The following PAPPA2 variants were observed in gnomAD, a reference collection of about 807,000 sequenced individuals.
PAPPA2 encodes pappalysin 2.
Under a neutral mutation model 176.4 loss-of-function variants are expected in PAPPA2, and 86 were observed. The observed-to-expected ratio is 0.49, with a 90% CI of 0.41 to 0.58. The LOEUF is 0.58. Among genes scored for constraint, PAPPA2 ranks in the 20% least tolerant of loss-of-function variants. PAPPA2 has a pLI of 0.00. For missense variants in PAPPA2, 2,073 were observed against 2,256.9 expected, an observed-to-expected ratio of 0.92 and a Z score of 1.65; for synonymous variants, 809 against 852.2, an observed-to-expected ratio of 0.95 and a Z score of 0.88.
In PAPPA2 at chr1:176,556,864, A is replaced by G. The variant is rs370777023; in HGVS notation, c.542A>G (p.Asn181Ser). 2.5e-6 allele frequency: 4 copies of G among 1,614,106 alleles called. No homozygotes were observed. Among genetic ancestry groups the G allele is most frequent in the Middle Eastern group, 3.3e-4 (2 of 6,062 alleles). Residue 181 changes from asparagine (N) to serine (S), a missense_variant, in exon 2 of 23, where the codon AAC becomes AGC. Physicochemically the swap from Asn to Ser is conservative, Grantham distance 46. Coordinates refer to ENST00000367662, the MANE Select transcript of PAPPA2 (RefSeq NM_020318.3). ...TTTTAIFTTL[N>S]EPKPETQRRG... ...ACCACCGCCATTTTCACAACCCTGA[A>G]CGAACCCAAACCAGAGACCCAAAGG...
At chr1:176,523,911 C>CT (rs1296613666) in intron 1 of PAPPA2, among the ~76,000 whole-genome samples, 2 of 152,206 alleles carry the variant, frequency 1.3e-5, no homozygotes, top group African/African-American at 4.8e-5. Context: ...TCCAGATTCT[C>CT]TGAAGTTGTG....
intron 1 of PAPPA2, among the ~76,000 whole-genome samples, chr1:176,515,857 C>T (rs1648881085): frequency 6.6e-6 from 1 of 152,108 alleles, no homozygotes; most frequent in South Asian, 2.1e-4. Flanking sequence ...GAAGACATTT[C>T]CCTCTTGCTG....
chr1:176,482,072 A>G (rs1652430625), intron 1 of PAPPA2, among the ~76,000 whole-genome samples: 1 of 152,216 alleles, frequency 6.6e-6, no homozygotes, highest in African/African-American at 2.4e-5. Context: ...ACCAAAACAA[A>G]GAGTTTTTCT....
At position 176,841,887 on chromosome 1, in the gene PAPPA2, C is replaced by T. The variant is rs148134569; in HGVS notation, c.5302-493C>T. ...CAGAGTGCTAGTCTGTAGCTAGTCT[C>T]GGCTTCCCATATAGTAGTCTCATTA... On this transcript the variant is annotated intron_variant, in intron 22 of 22. Coordinates refer to ENST00000367662, the MANE Select transcript of PAPPA2 (RefSeq NM_020318.3). Among the ~76,000 whole-genome samples the T allele has an allele frequency of 2.5e-3, 376 of 152,224 alleles. 2 individuals carry two copies. The highest frequency in any genetic ancestry group is 8.3e-3 in the African/African-American group (343 of 41,552).
intron 14 of PAPPA2, among the ~76,000 whole-genome samples, chr1:176,742,643 T>C (rs1012762503): frequency 7.9e-5 from 12 of 152,210 alleles, no homozygotes; most frequent in African/African-American, 2.7e-4. Flanking sequence ...GGGAGCCTGG[T>C]AAATCCCATA....
chr1:176,532,418 C>T (rs977088909), intron 1 of PAPPA2, among the ~76,000 whole-genome samples: 2 of 152,132 alleles, frequency 1.3e-5, no homozygotes, highest in African/African-American at 4.8e-5. Context: ...GGTAATGTGA[C>T]GGAGCTTTCC....
chr1:176,595,679 G>A, intron 3 of PAPPA2, 84 bp downstream of exon 3: 2 of 1,286,830 alleles, frequency 1.6e-6, no homozygotes, highest in Non-Finnish European at 2.1e-6. Flanking sequence ...AGGCAAATGT[G>A]TTCACACACT....
chr1:176,545,401 A>G (rs1025309207), intron 1 of PAPPA2, among the ~76,000 whole-genome samples: 3 of 151,040 alleles, frequency 2.0e-5, no homozygotes, highest in African/African-American at 7.3e-5. Context: ...CCATGGATTC[A>G]ACCAACCTCA....
intron 1 of PAPPA2, among the ~76,000 whole-genome samples, chr1:176,512,037 C>T (rs1648626447): frequency 6.6e-6 from 1 of 151,900 alleles, no homozygotes; most frequent in Admixed American, 6.6e-5. Context: ...ATATAAGGAA[C>T]ACTTAAAACT....
At chr1:176,739,528 T>C (rs1426862588) in intron 12 of PAPPA2, 98 bp from the exon 13 acceptor site, 2 of 1,325,064 alleles carry the variant, frequency 1.5e-6, no homozygotes, top group Non-Finnish European at 2.0e-6. Flanking sequence ...TCTTACTTTA[T>C]AAATAGTGAG....
At chr1:176,828,773 G>A (rs1207190949) in intron 21 of PAPPA2, among the ~76,000 whole-genome samples, 4 of 152,088 alleles carry the variant, frequency 2.6e-5, no homozygotes, top group Non-Finnish European at 4.4e-5. Flanking sequence ...GGAGGCTGAG[G>A]TGGGTGAATC....
At chr1:176,819,730 C>G (rs1666578219) in intron 21 of PAPPA2, among the ~76,000 whole-genome samples, 1 of 152,206 alleles carries the variant, frequency 6.6e-6, no homozygotes, top group African/African-American at 2.4e-5. Flanking sequence ...GTGCTGCCCA[C>G]TTTGAGTCCT....
chr1:176,800,163 C>G (rs751106223), intron 21 of PAPPA2, 31 bp downstream of exon 21: 1 of 1,606,636 alleles, frequency 6.2e-7, no homozygotes, highest in African/African-American at 1.3e-5. Context: ...CCAACTCAGA[C>G]TAGAGAACTC....
chr1:176,794,867 C>T (rs1665357059), intron 20 of PAPPA2, among the ~76,000 whole-genome samples: 1 of 152,192 alleles, frequency 6.6e-6, no homozygotes, highest in African/African-American at 2.4e-5. Flanking sequence ...CCTCCTTCAC[C>T]TGTTACGCAT....
In PAPPA2 at chr1:176,522,083, T is replaced by C. The variant is rs372976165; in HGVS notation, c.-916-33324T>C. Among the ~76,000 whole-genome samples, 45 of 152,314 alleles carry C rather than the reference T, an allele frequency of 3.0e-4. No individual in the cohort carries two copies. In the South Asian group the frequency reaches 5.2e-3, roughly 18 times the overall value. ...TCCAAACTCTGGCTTCCTCCATCTGTGGAAAGTCTCACTGTTTCTTTTATG... is the reference window on the plus strand; with the variant it reads ...TCCAAACTCTGGCTTCCTCCATCTGCGGAAAGTCTCACTGTTTCTTTTATG... On this transcript the variant is annotated intron_variant, in intron 1 of 22. Coordinates refer to ENST00000367662, the MANE Select transcript of PAPPA2 (RefSeq NM_020318.3).
Position 176,595,462 on chromosome 1 carries a change from T to C in PAPPA2, c.1858T>C (p.Ser620Pro). ...GDCRLQGRCY[S>P]WNRRDGLCHV... ...CTGCCGCCTGCAGGGCCGCTGCTAC[T>C]CCTGGAACCGCAGGGATGGGCTCTG... The change falls in exon 3 of 23, where the codon TCC becomes CCC. Residue 620 changes from serine to proline, a missense_variant. By Grantham distance (74) the Ser-to-Pro change is moderately conservative (BLOSUM62 -1). Around this residue, in one of 4 missense-constraint regions of PAPPA2, gnomAD observed 1,196 missense variants for 1,330.4 expected, o/e 0.90. Transcript: ENST00000367662. 1 of 1,614,172 alleles carries C rather than the reference T, an allele frequency of 6.2e-7. No individual in the cohort carries two copies. Among genetic ancestry groups the C allele is most frequent in the Non-Finnish European group, 8.5e-7 (1 of 1,180,046 alleles).
At chr1:176,788,687 A>G (rs1411800822) in intron 17 of PAPPA2, among the ~76,000 whole-genome samples, 2 of 152,120 alleles carry the variant, frequency 1.3e-5, no homozygotes, top group Non-Finnish European at 2.9e-5. Context: ...AAATGCTGTC[A>G]CTCTGGTTGG....
At chr1:176,589,140 T>G (rs986726630) in intron 2 of PAPPA2, among the ~76,000 whole-genome samples, 1 of 152,330 alleles carries the variant, frequency 6.6e-6, no homozygotes, top group Non-Finnish European at 1.5e-5. Flanking sequence ...CTTTTTTTTT[T>G]CATGAAACAG....
rs760279254 is a variant in PAPPA2, at chr1:176,623,669, T to TTCTTTCTTTC, written c.1991+28075_1991+28076insCTTTCTTTCT. On this transcript the variant is annotated intron_variant, in intron 3 of 22. Coordinates refer to ENST00000367662, the MANE Select transcript of PAPPA2 (RefSeq NM_020318.3). The stretch of plus-strand genomic sequence containing the variant: ...TTTCTTTCTTTCTTTCTTTCTTTCT[T>TTCTTTCTTTC]TTTCTTTCTTTCTTTCTCTCTCTCT... Among the ~76,000 whole-genome samples, 12 of 58,752 alleles carry TTCTTTCTTTC rather than the reference T, an allele frequency of 2.0e-4. 1 individual carries two copies. Among genetic ancestry groups the TTCTTTCTTTC allele is most frequent in the South Asian group, 6.7e-4 (1 of 1,502 alleles). The allele number at this position is 58,752 out of a possible 152,430, so 38.5% of individuals were successfully genotyped here.
Sources: allele counts gnomAD v4.1 joint callset (sites outside exome capture counted in the v4.1 genomes callset), GRCh38; gene constraint gnomAD v4.1.1; regional missense constraint gnomAD v4.1.1; transcripts MANE v1.5; gene names NCBI Gene and HGNC (gene_info 2026-07-23, HGNC 2026-07-21).